GRIA1: variants seen among roughly 807,000 people sequenced by gnomAD.
The protein encoded by GRIA1 is glutamate ionotropic receptor AMPA type subunit 1, also known as glutamate receptor 1.
Under a neutral mutation model 99.2 loss-of-function variants are expected in GRIA1, and 31 were observed. That is an observed-to-expected ratio of 0.31 (90% confidence interval 0.23 to 0.42). GRIA1 has a LOEUF of 0.42. Ranked by LOEUF, GRIA1 falls within the 10% of genes least tolerant of loss-of-function variation. The probability of loss-of-function intolerance (pLI) is 1.00; values close to 1 mark genes in which losing one functional copy is unlikely to be tolerated. For synonymous variants in GRIA1, 438 were observed against 432.4 expected, an observed-to-expected ratio of 1.01 and a Z score of -0.16; for missense variants, 782 against 1,157.5, an observed-to-expected ratio of 0.68 and a Z score of 4.71.
At chr5:153,497,339 A>T (rs967250952) in intron 2 of GRIA1, among the ~76,000 whole-genome samples, 3 of 152,228 alleles carry the variant, frequency 2.0e-5, no homozygotes, top group Admixed American at 2.0e-4. Flanking sequence ...GGAATAAATG[A>T]AATGCTGATT....
chr5:153,809,559 C>G (rs1302604267), intron 15 of GRIA1, among the ~76,000 whole-genome samples: 1 of 152,224 alleles, frequency 6.6e-6, no homozygotes, highest in East Asian at 1.9e-4. Context: ...ACTGATTTCT[C>G]TGGTCACTAG....
intron 13 of GRIA1, among the ~76,000 whole-genome samples, chr5:153,774,750 A>G (rs1046355961): frequency 1.3e-5 from 2 of 152,230 alleles, no homozygotes; most frequent in Admixed American, 1.3e-4. Context: ...CAGATAACTG[A>G]CATCTAAGGC....
chr5:153,692,425 T>C (rs1232219834), intron 8 of GRIA1, among the ~76,000 whole-genome samples: 1 of 152,218 alleles, frequency 6.6e-6, no homozygotes, highest in Non-Finnish European at 1.5e-5. Flanking sequence ...ATGGTTGTAA[T>C]AAATCAAAAG....
intron 13 of GRIA1, among the ~76,000 whole-genome samples, chr5:153,778,524 A>C (rs1561853345): frequency 6.6e-6 from 1 of 152,044 alleles, no homozygotes; most frequent in Non-Finnish European, 1.5e-5. Context: ...TCATCACATA[A>C]TTCAACCTGA....
chr5:153,690,639 A>C (rs1757676451), intron 8 of GRIA1, among the ~76,000 whole-genome samples: 2 of 152,204 alleles, frequency 1.3e-5, no homozygotes, highest in Non-Finnish European at 1.5e-5. Flanking sequence ...TCAGCATTGC[A>C]TTTGGGGGAG....
chr5:153,519,224 T>C (rs1756909635), intron 2 of GRIA1, among the ~76,000 whole-genome samples: 1 of 151,838 alleles, frequency 6.6e-6, no homozygotes, highest in African/African-American at 2.4e-5. Context: ...ATCACGCCAC[T>C]GCACTCCAGC....
intron 2 of GRIA1, among the ~76,000 whole-genome samples, chr5:153,526,878 G>A (rs920258062): frequency 2.0e-5 from 3 of 152,168 alleles, no homozygotes; most frequent in Admixed American, 6.5e-5. Context: ...TAAATTTTAA[G>A]AGCCTCAGTT....
intron 11 of GRIA1, 97 bp from the exon 12 acceptor site, chr5:153,764,337 G>C: frequency 1.2e-6 from 1 of 862,242 alleles, no homozygotes; most frequent in East Asian, 2.4e-5. Flanking sequence ...GGGCCTGACC[G>C]CTCTGCTGCC....
intron 11 of GRIA1, among the ~76,000 whole-genome samples, chr5:153,718,315 T>A (rs183256634): frequency 1.1e-3 from 163 of 152,208 alleles, no homozygotes; most frequent in South Asian, 2.9e-3. Flanking sequence ...ACTAAAATGA[T>A]CTGGGCTGGC....
chr5:153,578,166 A>G (rs1379831135), intron 2 of GRIA1, among the ~76,000 whole-genome samples: 9 of 121,604 alleles, frequency 7.4e-5, no homozygotes, highest in African/African-American at 8.2e-5. Flanking sequence ...AAAAAAAAAA[A>G]AAAAAAAGAA....
chr5:153,559,412 C>T (rs968278244), intron 2 of GRIA1, among the ~76,000 whole-genome samples: 5 of 152,174 alleles, frequency 3.3e-5, no homozygotes, highest in African/African-American at 1.2e-4. Flanking sequence ...CAGAAGTTCG[C>T]TTTCCAGACT....
At chr5:153,589,267 T>A (rs567765168) in intron 2 of GRIA1, among the ~76,000 whole-genome samples, 20 of 152,230 alleles carry the variant, frequency 1.3e-4, no homozygotes, top group Admixed American at 1.1e-3. Context: ...AAAGAAGCAA[T>A]ATCTATTCTG....
chr5:153,595,713 T>C (rs906510164), intron 2 of GRIA1, among the ~76,000 whole-genome samples: 6 of 148,924 alleles, frequency 4.0e-5, no homozygotes, highest in Non-Finnish European at 3.0e-5. Context: ...AACCTTTATC[T>C]AAAAAGCAAG....
chr5:153,642,628 C>T (rs1261013081), intron 2 of GRIA1, among the ~76,000 whole-genome samples: 2 of 131,726 alleles, frequency 1.5e-5, no homozygotes, highest in South Asian at 4.7e-4. Flanking sequence ...GGAGCCAGAC[C>T]CTGTTTCAGA....
chr5:153,628,924 T>C (rs1015411838), intron 2 of GRIA1, among the ~76,000 whole-genome samples: 3 of 152,226 alleles, frequency 2.0e-5, no homozygotes, highest in African/African-American at 7.2e-5. Flanking sequence ...AGACCAGCTT[T>C]GTTCCTCTCC....
intron 8 of GRIA1, among the ~76,000 whole-genome samples, chr5:153,694,555 A>AT (rs1464504775): frequency 3.9e-5 from 6 of 152,246 alleles, no homozygotes; most frequent in African/African-American, 1.4e-4. Context: ...TTTTACATGC[A>AT]TTAACTAATG....
chr5:153,729,870 G>T (rs1169102264), intron 11 of GRIA1, among the ~76,000 whole-genome samples: 1 of 152,036 alleles, frequency 6.6e-6, no homozygotes, highest in African/African-American at 2.4e-5. Context: ...TATGTGTTAG[G>T]CACCTACAGT....
At chr5:153,490,232 GATTGAGGACT>G (rs1313042967), upstream of GRIA1, 1 of 181,826 alleles carries the variant, frequency 5.5e-6, no homozygotes, top group Non-Finnish European at 1.1e-5. Flanking sequence ...GCAGCTGGTG[GATTGAGGACT>G]ATTGTGGGGA....
intron 2 of GRIA1, among the ~76,000 whole-genome samples, chr5:153,585,867 T>G (rs1044710842): frequency 1.3e-5 from 2 of 152,160 alleles, no homozygotes; most frequent in Admixed American, 6.5e-5. Flanking sequence ...AGTCACTATC[T>G]CTTAACAAAC....
Sources: allele counts gnomAD v4.1 joint callset (sites outside exome capture counted in the v4.1 genomes callset), GRCh38; gene constraint gnomAD v4.1.1; transcripts MANE v1.5; gene names NCBI Gene and HGNC (gene_info 2026-07-23, HGNC 2026-07-21).